Variants in SFXN5 observed in about 807,000 individuals in gnomAD.
The protein encoded by SFXN5 is sideroflexin 5.
A neutral mutation model predicts 50.2 loss-of-function variants in SFXN5; 43 were observed. That is an observed-to-expected ratio of 0.86 (90% CI 0.67 to 1.11). SFXN5 has a LOEUF of 1.11. Among genes scored for constraint, SFXN5 ranks in the 50% least tolerant of loss-of-function variants. The pLI is 0.00. For synonymous variants in SFXN5, 203 were observed against 185.8 expected (o/e 1.09, Z -0.75); for missense variants, 463 against 454.1 (o/e 1.02, Z -0.18).
At chr2:72,982,405 G>T (rs1415027086) in intron 10 of SFXN5, among the ~76,000 whole-genome samples, 1 of 152,254 alleles carries the variant, frequency 6.6e-6, no homozygotes. Flanking sequence ...GGTAGCTACA[G>T]AATCTGGCCA....
chr2:73,006,696 A>G (rs1397549872), intron 6 of SFXN5, among the ~76,000 whole-genome samples: 2 of 152,120 alleles, frequency 1.3e-5, no homozygotes, highest in Non-Finnish European at 1.5e-5. Context: ...ACACTATGGT[A>G]GCAATAGCTA....
intron 6 of SFXN5, among the ~76,000 whole-genome samples, chr2:73,005,543 C>T (rs546645321): frequency 6.8e-4 from 104 of 152,346 alleles, no homozygotes; most frequent in African/African-American, 2.1e-3. Flanking sequence ...GGAAATTCGC[C>T]TCAGCATGCA....
At chr2:73,020,511 G>A (rs1299076336) in intron 5 of SFXN5, among the ~76,000 whole-genome samples, 1 of 152,142 alleles carries the variant, frequency 6.6e-6, no homozygotes, top group Admixed American at 6.5e-5. Flanking sequence ...CTGGAACCCA[G>A]AGGCCTGTTC....
intron 10 of SFXN5, among the ~76,000 whole-genome samples, chr2:72,980,852 C>G (rs539672681): frequency 3.2e-4 from 49 of 152,182 alleles, no homozygotes; most frequent in African/African-American, 3.1e-4. Context: ...CCCCCTGCCC[C>G]CTCCTGCATT....
chr2:73,037,061 T>C lies in SFXN5; in HGVS notation c.249+3793A>G, dbSNP rs139123604. 2.5e-3 allele frequency among the ~76,000 whole-genome samples: 387 copies of C among 152,338 alleles called. 1 individual carries two copies. Among genetic ancestry groups the C allele is most frequent in the Non-Finnish European group, 4.6e-3 (311 of 68,008 alleles). ...CTTCCGCTCATGCATTTGCCCTCTA[T>C]TCCCATCACCATGCTCCAGTCTAGC... is the stretch of plus-strand genomic sequence containing the variant. On this transcript the variant is annotated intron_variant, in intron 3 of 13. Coordinates refer to ENST00000272433, the MANE Select transcript of SFXN5 (RefSeq NM_144579.3).
chr2:72,945,106 A>ATGTTTCAATCT lies in SFXN5; in HGVS notation c.946-8_946-7insAGATTGAAACA. The ATGTTTCAATCT allele has an allele frequency of 6.2e-7, 1 of 1,612,906 alleles. No homozygotes were observed. Among genetic ancestry groups the ATGTTTCAATCT allele is most frequent in the Non-Finnish European group, 8.5e-7 (1 of 1,179,184 alleles). ...CTAATTGGGATGTTTCAATCTGTGGAGAGAGAACAGAGAGGAAAAGTGGGG... is the reference window on the plus strand; with the variant it reads ...CTAATTGGGATGTTTCAATCTGTGGATGTTTCAATCTGAGAGAACAGAGAGGAAAAGTGGGG... On this transcript the variant is annotated splice_region_variant and splice_polypyrimidine_tract_variant and intron_variant, in intron 13 of 13. Transcript: ENST00000272433. The surrounding 1 kb of genome is among the most constrained non-coding windows in gnomAD (Gnocchi z 5.8).
chr2:73,052,133 G>A (rs902681687), intron 2 of SFXN5, among the ~76,000 whole-genome samples: 5 of 151,920 alleles, frequency 3.3e-5, no homozygotes, highest in African/African-American at 1.2e-4. Flanking sequence ...ATCATTCTTT[G>A]AGCACTTCCT....
At chr2:73,032,737 C>A (rs1678474538) in intron 3 of SFXN5, among the ~76,000 whole-genome samples, 1 of 152,142 alleles carries the variant, frequency 6.6e-6, no homozygotes, top group African/African-American at 2.4e-5. Context: ...AAAGACAGAG[C>A]CTATTTAAAA....
chr2:73,022,196 G>A (rs1191371871), intron 5 of SFXN5, among the ~76,000 whole-genome samples: 1 of 152,192 alleles, frequency 6.6e-6, no homozygotes, highest in Non-Finnish European at 1.5e-5. Flanking sequence ...GCCAGGGCTT[G>A]CTTACAGCAG....
intron 3 of SFXN5, among the ~76,000 whole-genome samples, chr2:73,031,216 T>C (rs1678257168): frequency 6.6e-6 from 1 of 152,222 alleles, no homozygotes; most frequent in African/African-American, 2.4e-5. Flanking sequence ...TCCATGTAGC[T>C]GAGACCCACA....
rs764061621 is a variant in SFXN5, at chr2:73,022,502, G to C, written c.331+20C>G. On this transcript the variant is annotated intron_variant, in intron 5 of 13. Transcript: ENST00000272433. Reference sequence around the variant, plus strand: ...AAGCACCCCAGGCTGACCAGAACCAGAAGGGCCCCAGGAGCTTACCTGACA... The same window carrying C: ...AAGCACCCCAGGCTGACCAGAACCACAAGGGCCCCAGGAGCTTACCTGACA... The C allele has an allele frequency of 6.2e-7, 1 of 1,608,588 alleles. No individual in the cohort carries two copies. The highest frequency in any genetic ancestry group is 8.5e-7 in the Non-Finnish European group (1 of 1,175,056).
chr2:73,057,450 T>G (rs1486967249), intron 2 of SFXN5, among the ~76,000 whole-genome samples: 1 of 152,102 alleles, frequency 6.6e-6, no homozygotes, highest in Non-Finnish European at 1.5e-5. Context: ...AAAAGCATTG[T>G]GTTAAGGTAA....
chr2:72,991,349 G>A (rs980565202), intron 9 of SFXN5, among the ~76,000 whole-genome samples: 5 of 152,242 alleles, frequency 3.3e-5, no homozygotes, highest in South Asian at 4.1e-4. Context: ...CATATAGTGC[G>A]GCACACATAT....
intron 6 of SFXN5, chr2:73,019,947 CCTATGA>C (rs1159145549): frequency 3.4e-6 from 1 of 296,308 alleles, no homozygotes; most frequent in Non-Finnish European, 6.2e-6. Flanking sequence ...AGAAAACTTC[CCTATGA>C]CTAGCAGGTG....
At chr2:73,054,443 G>A (rs1409117687) in intron 2 of SFXN5, among the ~76,000 whole-genome samples, 1 of 152,054 alleles carries the variant, frequency 6.6e-6, no homozygotes, top group Admixed American at 6.6e-5. Flanking sequence ...CAAGAATGTT[G>A]GGGTCTTTCA....
At chr2:73,012,296 A>G (rs1373769030) in intron 6 of SFXN5, among the ~76,000 whole-genome samples, 3 of 152,208 alleles carry the variant, frequency 2.0e-5, no homozygotes, top group Non-Finnish European at 4.4e-5. Context: ...CTGAGCTGAG[A>G]GAACATTCAT....
chr2:73,020,374 G>T, intron 5 of SFXN5, 110 bp from the exon 6 acceptor site: 10 of 1,050,414 alleles, frequency 9.5e-6, no homozygotes, highest in Non-Finnish European at 1.4e-5. Context: ...TGATGAAGGG[G>T]CTCAGGTCAG....
intron 12 of SFXN5, among the ~76,000 whole-genome samples, chr2:72,964,406 A>T (rs115800673): frequency 6.6e-6 from 1 of 152,254 alleles, no homozygotes; most frequent in African/African-American, 2.4e-5. Flanking sequence ...AAAGAGCAAA[A>T]GAGCTGCTGG....
At chr2:72,952,272 C>T (rs1009690374) in intron 13 of SFXN5, among the ~76,000 whole-genome samples, 2 of 152,256 alleles carry the variant, frequency 1.3e-5, no homozygotes, top group Non-Finnish European at 2.9e-5. Context: ...CCCTCTAAGG[C>T]TGCCTCCTCC....
Sources: allele counts gnomAD v4.1 joint callset (sites outside exome capture counted in the v4.1 genomes callset), GRCh38; gene constraint gnomAD v4.1.1; non-coding constraint Gnocchi (gnomAD v3.1); transcripts MANE v1.5; gene names NCBI Gene and HGNC (gene_info 2026-07-23, HGNC 2026-07-21).